Variants in TMEM108 observed in about 807,000 individuals in gnomAD.
TMEM108 encodes transmembrane protein 108, also known as cancer/testis antigen 124.
TMEM108 carries 12 observed loss-of-function variants against 35.1 expected under a neutral mutation model. The ratio of observed to expected loss-of-function variants is 0.34; its 90% CI spans 0.22 to 0.55. TMEM108 has a LOEUF of 0.55. TMEM108 is among the 20% of genes least tolerant of loss of function. The pLI is 0.89. For missense variants in TMEM108, 680 were observed against 753.3 expected (o/e 0.90, Z 1.14); for synonymous variants, 287 against 308.6 (o/e 0.93, Z 0.73).
At chr3:133,317,825 G>A (rs2071218619) in intron 3 of TMEM108, among the ~76,000 whole-genome samples, 1 of 152,176 alleles carries the variant, frequency 6.6e-6, no homozygotes, top group Non-Finnish European at 1.5e-5. Context: ...ATATTCTAGA[G>A]GGGAAAGACT....
intron 2 of TMEM108, among the ~76,000 whole-genome samples, chr3:133,143,565 C>T (rs1457695970): frequency 6.6e-6 from 1 of 152,106 alleles, no homozygotes; most frequent in Non-Finnish European, 1.5e-5. Flanking sequence ...TTTATTATTG[C>T]CTTGTATGGC....
At chr3:133,311,632 T>G (rs1287476657) in intron 3 of TMEM108, among the ~76,000 whole-genome samples, 1 of 152,228 alleles carries the variant, frequency 6.6e-6, no homozygotes, top group Non-Finnish European at 1.5e-5. Flanking sequence ...TTCAACGTTT[T>G]TAGCTTCCTT....
chr3:133,083,876 T>TA (rs5852727), intron 2 of TMEM108, among the ~76,000 whole-genome samples: 12,850 of 148,572 alleles, frequency 0.086, 655 homozygotes, highest in Non-Finnish European at 0.12. Flanking sequence ...TGAGATAAAG[T>TA]AAAAAAAAAA....
chr3:133,165,494 A>T (rs768131902), intron 2 of TMEM108, among the ~76,000 whole-genome samples: 1 of 152,208 alleles, frequency 6.6e-6, no homozygotes, highest in Non-Finnish European at 1.5e-5. Flanking sequence ...TGGTAAGTGG[A>T]GAAAAAAAAA....
intron 2 of TMEM108, among the ~76,000 whole-genome samples, chr3:133,073,325 A>G (rs942569092): frequency 1.3e-5 from 2 of 151,566 alleles, no homozygotes. Flanking sequence ...CTCTGCTTCT[A>G]TAAGTTCTCC....
chr3:133,121,356 G>GT (rs1356280125), intron 2 of TMEM108, among the ~76,000 whole-genome samples: 1 of 152,106 alleles, frequency 6.6e-6, no homozygotes, highest in African/African-American at 2.4e-5. Flanking sequence ...CTCCTAATTT[G>GT]TTTTTTGCTC....
rs117836631 is a variant in TMEM108, at chr3:133,039,878, A to G, written c.-166+1443A>G. Among the ~76,000 whole-genome samples, 56 of 152,306 alleles carry G rather than the reference A, an allele frequency of 3.7e-4. No homozygotes were observed. The East Asian group carries it at 0.011, about 29-fold the overall frequency. ...TTCTTTAGGAAATGACCTGATTTCA[A>G]ACCTCTAAAACACACCCCATGCCTG... On this transcript the variant is annotated intron_variant, in intron 1 of 5. Transcript: ENST00000321871.
chr3:133,095,530 T>C (rs1400099248), intron 2 of TMEM108, among the ~76,000 whole-genome samples: 5 of 152,120 alleles, frequency 3.3e-5, no homozygotes. Flanking sequence ...TATAGTTATA[T>C]AACTCACCAT....
At chr3:133,378,037 C>T (rs898598985) in intron 3 of TMEM108, among the ~76,000 whole-genome samples, 1 of 152,180 alleles carries the variant, frequency 6.6e-6, no homozygotes, top group African/African-American at 2.4e-5. Context: ...CTGTCTTCCA[C>T]AAAACCAAGT....
chr3:133,335,758 C>T (rs2071483952), intron 3 of TMEM108, among the ~76,000 whole-genome samples: 2 of 152,162 alleles, frequency 1.3e-5, no homozygotes, highest in South Asian at 4.1e-4. Flanking sequence ...GATGAGCACT[C>T]ACAGTACCTG....
At chr3:133,043,393 T>C (rs1408647443) in intron 1 of TMEM108, among the ~76,000 whole-genome samples, 1 of 152,174 alleles carries the variant, frequency 6.6e-6, no homozygotes, top group Non-Finnish European at 1.5e-5. Flanking sequence ...GGGTAAGATA[T>C]GGGGTAAACT....
At chr3:133,104,983 GA>G (rs1944131892) in intron 2 of TMEM108, among the ~76,000 whole-genome samples, 1 of 152,198 alleles carries the variant, frequency 6.6e-6, no homozygotes, top group African/African-American at 2.4e-5. Flanking sequence ...TGTGGATTGG[GA>G]AAGAAGAGTA....
At chr3:133,062,155 C>G (rs148994349) in intron 2 of TMEM108, among the ~76,000 whole-genome samples, 29 of 152,316 alleles carry the variant, frequency 1.9e-4, no homozygotes, top group African/African-American at 6.7e-4. Context: ...AAAATCAATG[C>G]TTAGTCATTC....
At chr3:133,117,291 A>G (rs1944299265) in intron 2 of TMEM108, among the ~76,000 whole-genome samples, 1 of 152,242 alleles carries the variant, frequency 6.6e-6, no homozygotes, top group Non-Finnish European at 1.5e-5. Context: ...TTCATAGGCT[A>G]GAGCTGAACA....
At chr3:133,106,277 A>C (rs1458611969) in intron 2 of TMEM108, among the ~76,000 whole-genome samples, 1 of 146,042 alleles carries the variant, frequency 6.8e-6, no homozygotes, top group Non-Finnish European at 1.5e-5. Flanking sequence ...ACTGGATTTC[A>C]CTTAGTACTC....
intron 2 of TMEM108, among the ~76,000 whole-genome samples, chr3:133,067,719 G>C (rs1001581072): frequency 6.6e-6 from 1 of 152,148 alleles, no homozygotes; most frequent in African/African-American, 2.4e-5. Flanking sequence ...CTGTAAACAA[G>C]TATGTGATAA....
chr3:133,368,225 T>C, intron 3 of TMEM108, among the ~76,000 whole-genome samples: 1 of 152,146 alleles, frequency 6.6e-6, no homozygotes, highest in South Asian at 2.1e-4. Context: ...CTCTAGGGTG[T>C]GCCTAGGTCC....
Position 133,317,104 on chromosome 3 carries a change from T to C in TMEM108, c.41-62648T>C, listed in dbSNP as rs2071209332. ...ATTCAAATGTGAACTACAGCTGTTA[T>C]TGTGAGTGATTGAAAAGCATTCCAA... is the stretch of plus-strand genomic sequence containing the variant. On this transcript the variant is annotated intron_variant, in intron 3 of 5. Transcript: ENST00000321871. 2.0e-5 allele frequency among the ~76,000 whole-genome samples: 3 copies of C among 152,350 alleles called. No homozygotes were observed. In the South Asian group the frequency reaches 6.2e-4, roughly 32 times the overall value.
chr3:133,146,260 T>A (rs1228154670), intron 2 of TMEM108, among the ~76,000 whole-genome samples: 1 of 152,248 alleles, frequency 6.6e-6, no homozygotes, highest in Non-Finnish European at 1.5e-5. Context: ...ATGTGATGGA[T>A]TACATTGATT....
Sources: gnomAD v4.1 joint callset for allele counts (sites outside exome capture counted in the v4.1 genomes callset) on GRCh38, gnomAD v4.1.1 for gene constraint, MANE v1.5 for transcripts, NCBI Gene and HGNC (gene_info 2026-07-23, HGNC 2026-07-21) for gene names.